Variants in STOX2 observed in about 807,000 individuals in gnomAD.
STOX2 encodes storkhead-box protein 2.
STOX2 carries 28 observed loss-of-function variants against 60.9 expected under a neutral mutation model. The observed-to-expected ratio is 0.46, with a 90% confidence interval of 0.34 to 0.63. The LOEUF is 0.63. STOX2 is among the 30% of genes least tolerant of loss of function. The pLI, the probability that STOX2 is intolerant of heterozygous loss-of-function variation, is 0.01. For missense variants in STOX2, 1,024 were observed against 1,187.7 expected, an observed-to-expected ratio of 0.86 and a Z score of 2.03; for synonymous variants, 472 against 463.9, an observed-to-expected ratio of 1.02 and a Z score of -0.22.
intron 1 of STOX2, among the ~76,000 whole-genome samples, chr4:183,805,043 G>A (rs1231375679): frequency 1.3e-5 from 2 of 152,156 alleles, no homozygotes; most frequent in East Asian, 3.9e-4. Context: ...AAAGTATTTA[G>A]ATGCTTTCTG....
intron 1 of STOX2, among the ~76,000 whole-genome samples, chr4:183,934,065 AG>A (rs1308528100): frequency 5.9e-5 from 9 of 152,106 alleles, no homozygotes; most frequent in Non-Finnish European, 1.2e-4. Flanking sequence ...GCACTTTGGG[AG>A]GCCGAGACGG....
At chr4:183,851,568 A>G (rs866472200) in intron 1 of STOX2, among the ~76,000 whole-genome samples, 57 of 105,864 alleles carry the variant, frequency 5.4e-4, no homozygotes, top group African/African-American at 2.2e-3. Context: ...GATGAGGGAA[A>G]GGATGAGAGA....
Position 183,896,164 on chromosome 4 carries a change from C to A in STOX2, c.364+98109C>A, listed in dbSNP as rs116400916. ...TTCAATGAGTCAGCAGGAGAAAATG[C>A]GAGAACTTGGGTATTTATAGTGATC... On this transcript the variant is annotated intron_variant, in intron 1 of 2. Transcript: ENST00000513034. 7.6e-3 allele frequency among the ~76,000 whole-genome samples: 1,161 copies of A among 152,212 alleles called. 16 individuals are homozygous for A. The highest frequency in any genetic ancestry group is 0.027 in the African/African-American group (1,106 of 41,520).
Position 183,922,938 on chromosome 4 carries a change from A to G in STOX2, c.166+15982A>G, listed in dbSNP as rs1255990353. ...CTTAGCATATCATCAAGTTTCATCCATGTTGTAGCGTGTGTTGGAATCTTC... is the reference window on the plus strand; with the variant it reads ...CTTAGCATATCATCAAGTTTCATCCGTGTTGTAGCGTGTGTTGGAATCTTC... On this transcript the variant is annotated intron_variant, in intron 1 of 3. Coordinates refer to ENST00000308497, the MANE Select transcript of STOX2 (RefSeq NM_020225.3). Among the ~76,000 whole-genome samples, 4 of 152,158 alleles carry G rather than the reference A, an allele frequency of 2.6e-5. No individual in the cohort carries two copies. In the East Asian group the frequency reaches 7.7e-4, roughly 29 times the overall value.
chr4:183,861,377 T>C (rs563066039), intron 1 of STOX2, among the ~76,000 whole-genome samples: 16 of 152,268 alleles, frequency 1.1e-4, no homozygotes, highest in African/African-American at 3.4e-4. Context: ...TTTGCCGCCA[T>C]GGTGAAGTTT....
chr4:183,837,563 A>C lies in STOX2; in HGVS notation c.364+39508A>C, dbSNP rs531615945. Among the ~76,000 whole-genome samples, 5 of 151,800 alleles carry C rather than the reference A, an allele frequency of 3.3e-5. No homozygotes were observed. In the South Asian group the frequency reaches 1.0e-3, roughly 32 times the overall value. On this transcript the variant is annotated intron_variant, in intron 1 of 2. Transcript: ENST00000513034. Reference sequence around the variant, plus strand: ...AACTTCTGCCTCTCGGGTTCAAGTAATTTTCCTGCCTCAGCCTCCCACGTA... The same window carrying C: ...AACTTCTGCCTCTCGGGTTCAAGTACTTTTCCTGCCTCAGCCTCCCACGTA...
In STOX2 at chr4:184,022,908, A is replaced by G. The variant is rs1216360688; in HGVS notation, c.*5624A>G. ...ATAGAGCTGCCCTAGGGTCACCTTC[A>G]TGCAAGTATTGACAGCTACAAATTA... is the stretch of plus-strand genomic sequence containing the variant. On this transcript the variant is annotated 3_prime_UTR_variant, in exon 4 of 4. Coordinates refer to ENST00000308497, the MANE Select transcript of STOX2 (RefSeq NM_020225.3). 1 of 152,214 alleles carries G rather than the reference A, an allele frequency of 6.6e-6. No individual in the cohort carries two copies. The highest frequency in any genetic ancestry group is 1.5e-5 in the Non-Finnish European group (1 of 68,046). The allele number at this position is 152,214 out of a possible 1,614,324, so 9.4% of individuals were successfully genotyped here.
chr4:184,005,474 A>AAAAAAC (rs58443213), intron 2 of STOX2, among the ~76,000 whole-genome samples: 64,084 of 118,258 alleles, frequency 0.54, 19,549 homozygotes, highest in Non-Finnish European at 0.66. Flanking sequence ...AAAAAAAAAA[A>AAAAAAC]AATTCATAGG....
chr4:184,010,115 A>G lies in STOX2; in HGVS notation c.1277A>G (p.Asn426Ser). 3 of 1,591,068 alleles carry G rather than the reference A, an allele frequency of 1.9e-6. No homozygotes were observed. The highest frequency in any genetic ancestry group is 2.6e-6 in the Non-Finnish European group (3 of 1,168,158). ...GGAGATAACTTCATCATGCACAGCA[A>G]CACAAACGTGCTCGAGTCCCACTTC... ...HKGDNFIMHS[N>S]TNVLESHFPM... The change falls in exon 3 of 4, where the codon AAC becomes AGC. Residue 426 changes from asparagine to serine, a missense_variant. Asn to Ser is a conservative substitution (Grantham distance 46). This residue lies in a region of STOX2 where 922 missense variants were observed against 1,058.3 expected (regional missense o/e 0.87). Coordinates refer to ENST00000308497, the MANE Select transcript of STOX2 (RefSeq NM_020225.3). The surrounding 1 kb of genome is among the most constrained non-coding windows in gnomAD (Gnocchi z 4.5).
intron 1 of STOX2, among the ~76,000 whole-genome samples, chr4:183,929,229 A>G (rs541010504): frequency 1.3e-5 from 2 of 152,336 alleles, no homozygotes; most frequent in Admixed American, 1.3e-4. Context: ...AGCATACAGG[A>G]TGAGACCAAA....
At chr4:183,970,648 C>A (rs1328159055) in intron 1 of STOX2, among the ~76,000 whole-genome samples, 1 of 152,214 alleles carries the variant, frequency 6.6e-6, no homozygotes, top group Admixed American at 6.5e-5. Context: ...CTCCATGGAG[C>A]ACTTTGGGCT....
At chr4:183,848,457 C>T (rs1023031907) in intron 1 of STOX2, among the ~76,000 whole-genome samples, 5 of 152,172 alleles carry the variant, frequency 3.3e-5, no homozygotes, top group Non-Finnish European at 7.3e-5. Context: ...AAATAAGTCA[C>T]ATGTTCACTC....
At chr4:183,872,457 A>G (rs996314421) in intron 1 of STOX2, among the ~76,000 whole-genome samples, 1 of 152,232 alleles carries the variant, frequency 6.6e-6, no homozygotes, top group Admixed American at 6.5e-5. Flanking sequence ...AATTATAGCC[A>G]GATTCCAGAA....
rs1741586024 is a variant in STOX2 at position 183,906,036 on chromosome 4, G to T, written c.-755G>T. ...GGCGCTGCAGTCGCGGGGACGACGC[G>T]GGCTCTTCCTGGATTCCGCAGGAGC... On this transcript the variant is annotated 5_prime_UTR_variant, in exon 1 of 4. Coordinates refer to ENST00000308497, the MANE Select transcript of STOX2 (RefSeq NM_020225.3). 1 of 152,150 alleles carries T rather than the reference G, an allele frequency of 6.6e-6. No homozygotes were observed. The highest frequency in any genetic ancestry group is 2.4e-5 in the African/African-American group (1 of 41,428). 9.4% of individuals were successfully genotyped at this position (152,150 alleles called of 1,614,324 possible). A position where few individuals can be genotyped will look rare whatever the true frequency, so the allele number is the denominator to read the frequency against.
intron 1 of STOX2, among the ~76,000 whole-genome samples, chr4:183,950,713 T>C (rs184003605): frequency 6.2e-4 from 94 of 152,224 alleles, no homozygotes; most frequent in African/African-American, 2.1e-3. Context: ...TGCTGGGGAC[T>C]CCAGACAAGG....
intron 1 of STOX2, among the ~76,000 whole-genome samples, chr4:183,849,427 G>T (rs945277820): frequency 8.5e-5 from 13 of 152,182 alleles, no homozygotes; most frequent in African/African-American, 3.1e-4. Flanking sequence ...TTCCTGTTGG[G>T]GTGGGAGAAG....
rs1051456804 is a variant in STOX2 at position 183,836,328 on chromosome 4, G to C, written c.364+38273G>C. ...TCAATGGGTATGGTTGTGGTGTAGC[G>C]GGTTTCAGCAGCAACAGTGGTCTGA... is the stretch of plus-strand genomic sequence containing the variant. On this transcript the variant is annotated intron_variant, in intron 1 of 2. Transcript: ENST00000513034. This position sits in a 1 kb window ranked among gnomAD's most constrained non-coding sequence, Gnocchi z 4.1. 6.6e-6 allele frequency among the ~76,000 whole-genome samples: 1 copy of C among 152,124 alleles called. No homozygotes were observed. Among genetic ancestry groups the C allele is most frequent in the Non-Finnish European group, 1.5e-5 (1 of 68,024 alleles).
intron 1 of STOX2, among the ~76,000 whole-genome samples, chr4:183,854,564 A>T: frequency 6.6e-6 from 1 of 152,336 alleles, no homozygotes; most frequent in Middle Eastern, 3.4e-3. Context: ...TAAAAAGTAA[A>T]AGTGTTTTAA....
intron 1 of STOX2, among the ~76,000 whole-genome samples, chr4:183,897,824 ATT>A (rs1443807684): frequency 6.6e-6 from 1 of 152,114 alleles, no homozygotes; most frequent in Non-Finnish European, 1.5e-5. Flanking sequence ...ATCTTTAAAT[ATT>A]TTTCATGATT....
Sources: gnomAD v4.1 joint callset for allele counts (sites outside exome capture counted in the v4.1 genomes callset) on GRCh38, gnomAD v4.1.1 for gene constraint, gnomAD v4.1.1 regional missense constraint, Gnocchi (gnomAD v3.1) non-coding constraint, MANE v1.5 for transcripts, NCBI Gene and HGNC (gene_info 2026-07-23, HGNC 2026-07-21) for gene names.